MRTFB: variants seen among roughly 807,000 people sequenced by gnomAD.
MRTFB encodes the protein myocardin-related transcription factor B.
Under a neutral mutation model 104.2 loss-of-function variants are expected in MRTFB, and 29 were observed. That is an observed-to-expected ratio of 0.28 (90% CI 0.21 to 0.38). The LOEUF is 0.38. MRTFB is among the 10% of genes least tolerant of loss of function. MRTFB has a pLI of 1.00. For missense variants in MRTFB, 1,270 were observed against 1,341.6 expected, an observed-to-expected ratio of 0.95 and a Z score of 0.83; for synonymous variants, 535 against 519.5, an observed-to-expected ratio of 1.03 and a Z score of -0.41.
the MRTFB span, among the ~76,000 whole-genome samples, chr16:14,062,932 CCACTGA>C: frequency 6.6e-6 from 1 of 152,304 alleles, no homozygotes; most frequent in East Asian, 1.9e-4. Flanking sequence ...GCCACTTCTG[CCACTGA>C]CACTTCAACA....
the MRTFB span, among the ~76,000 whole-genome samples, chr16:14,059,818 G>C: frequency 1.3e-5 from 2 of 151,996 alleles, no homozygotes; most frequent in Non-Finnish European, 2.9e-5. Flanking sequence ...GAAGACAAGA[G>C]CTAAAGCTGG....
chr16:14,045,331 A>G, the MRTFB span, among the ~76,000 whole-genome samples: 6 of 152,098 alleles, frequency 3.9e-5, no homozygotes, highest in African/African-American at 1.4e-4. Context: ...CTCGCCTCCT[A>G]GGAGTTGTGC....
intron 3 of MRTFB, chr16:14,200,625 G>A (rs1048903144): frequency 1.3e-6 from 2 of 1,581,670 alleles, no homozygotes; most frequent in Non-Finnish European, 1.7e-6. Flanking sequence ...GTTGGCCTAC[G>A]TTGGTGGAAT....
intron 3 of MRTFB, among the ~76,000 whole-genome samples, chr16:14,199,079 C>G (rs953204063): frequency 6.6e-6 from 1 of 152,298 alleles, no homozygotes; most frequent in African/African-American, 2.4e-5. Flanking sequence ...ACACTCTTGC[C>G]TCTCGTTCAC....
chr16:14,060,473 T>G, the MRTFB span, among the ~76,000 whole-genome samples: 1 of 152,182 alleles, frequency 6.6e-6, no homozygotes, highest in Non-Finnish European at 1.5e-5. Flanking sequence ...TTCGCAGGTT[T>G]CAGGTCTCTT....
intron 2 of MRTFB, among the ~76,000 whole-genome samples, chr16:14,107,863 T>A (rs2036069470): frequency 6.6e-6 from 1 of 152,202 alleles, no homozygotes; most frequent in South Asian, 2.1e-4. Context: ...GTTGTTGGGA[T>A]CTGTAGAAGA....
At chr16:14,069,016 C>T (rs1385542103), upstream of MRTFB, among the ~76,000 whole-genome samples, 2 of 129,524 alleles carry the variant, frequency 1.5e-5, no homozygotes, top group Non-Finnish European at 3.1e-5. Flanking sequence ...GATGCCCAGG[C>T]TGGAGTTCAA....
At chr16:14,010,221 A>G in the MRTFB span, among the ~76,000 whole-genome samples, 1 of 152,188 alleles carries the variant, frequency 6.6e-6, no homozygotes, top group Non-Finnish European at 1.5e-5. Flanking sequence ...TTAGCCCCCA[A>G]CAAGGTCCAG....
At chr16:14,023,604 CACACACATACATATACATAT>C in the MRTFB span, among the ~76,000 whole-genome samples, 15,881 of 130,662 alleles carry the variant, frequency 0.12, 1,147 homozygotes, top group African/African-American at 0.21. Context: ...CACACACACA[CACACACATACATATACATAT>C]ACATATACAT....
Position 14,210,178 on chromosome 16 carries a change from G to A in MRTFB, c.155-65G>A, listed in dbSNP as rs1184988190. 8.7e-6 allele frequency: 11 copies of A among 1,271,604 alleles called. No individual in the cohort carries two copies. The Admixed American group carries it at 1.9e-4, about 22-fold the overall frequency. The allele number at this position is 1,271,604 out of a possible 1,614,324, so 78.8% of individuals were successfully genotyped here. A position where few individuals can be genotyped will look rare whatever the true frequency, so the allele number is the denominator to read the frequency against. On this transcript the variant is annotated intron_variant, in intron 3 of 16. Transcript: ENST00000571589. ...ATAAAGCTTAATTGCATCTCCTCTGGAATCACATAAATCGGATCCCACAGT... is the reference window on the plus strand; with the variant it reads ...ATAAAGCTTAATTGCATCTCCTCTGAAATCACATAAATCGGATCCCACAGT...
Position 14,246,518 on chromosome 16 carries a change from T to G in MRTFB, c.1258T>G (p.Ser420Ala). ...TELKLRGLPV[S>A]GTKPDLIERL... ...ACTGAAGTTAAGGGGTCTGCCAGTG[T>G]CAGGCACCAAACCGGACCTCATTGA... Residue 420 changes from serine (S) to alanine (A), a missense_variant, in exon 12 of 17, where the codon TCA becomes GCA. Ser to Ala is a moderately conservative substitution (Grantham distance 99). Coordinates refer to ENST00000571589, the MANE Select transcript of MRTFB (RefSeq NM_001308142.2). 2 of 1,614,190 alleles carry G rather than the reference T, an allele frequency of 1.2e-6. No individual in the cohort carries two copies. The highest frequency in any genetic ancestry group is 1.7e-6 in the Non-Finnish European group (2 of 1,180,036).
chr16:14,025,658 A>G, the MRTFB span, among the ~76,000 whole-genome samples: 1 of 152,070 alleles, frequency 6.6e-6, no homozygotes, highest in East Asian at 1.9e-4. Context: ...CAGGTTTCCT[A>G]GAATAGGGAC....
intron 8 of MRTFB, among the ~76,000 whole-genome samples, chr16:14,231,080 C>G (rs1164076422): frequency 6.8e-6 from 1 of 146,394 alleles, no homozygotes; most frequent in Non-Finnish European, 1.5e-5. Flanking sequence ...GGGAATTGAA[C>G]AATGAGAACA....
Position 14,177,147 on chromosome 16 carries a change from A to T in MRTFB, c.155-33096A>T, listed in dbSNP as rs935666385. ...GCTGAAGCATAGGGAACATGTAGGG[A>T]GTTAATAACGCCGGTCAGGAAGGTG... is the stretch of plus-strand genomic sequence containing the variant. On this transcript the variant is annotated intron_variant, in intron 3 of 16. Coordinates refer to ENST00000571589, the MANE Select transcript of MRTFB (RefSeq NM_001308142.2). The surrounding 1 kb of genome is among the most constrained non-coding windows in gnomAD (Gnocchi z 4.7). Among the ~76,000 whole-genome samples, 1 of 152,244 alleles carries T rather than the reference A, an allele frequency of 6.6e-6. No homozygotes were observed. Among genetic ancestry groups the T allele is most frequent in the African/African-American group, 2.4e-5 (1 of 41,468 alleles).
chr16:14,125,555 C>T lies in MRTFB; in HGVS notation c.-63-14989C>T, dbSNP rs150211837. On this transcript the variant is annotated intron_variant, in intron 2 of 16. Transcript: ENST00000571589. Reference sequence around the variant, plus strand: ...GCAGACTCTTCTCTAGCAAGCACCTCTGTTTTTCCAGTTGGTAGTTTTTTA... The same window carrying T: ...GCAGACTCTTCTCTAGCAAGCACCTTTGTTTTTCCAGTTGGTAGTTTTTTA... Among the ~76,000 whole-genome samples the T allele has an allele frequency of 5.9e-5, 9 of 152,358 alleles. No individual in the cohort carries two copies. In the East Asian group the frequency reaches 1.5e-3, roughly 26 times the overall value.
intron 2 of MRTFB, among the ~76,000 whole-genome samples, chr16:14,080,492 T>G (rs563724200): frequency 6.6e-6 from 1 of 152,338 alleles, no homozygotes; most frequent in South Asian, 2.1e-4. Flanking sequence ...GTGAGAACAT[T>G]GAACATTTAC....
intron 2 of MRTFB, among the ~76,000 whole-genome samples, chr16:14,100,234 A>C (rs929232242): frequency 6.6e-6 from 1 of 152,144 alleles, no homozygotes; most frequent in Non-Finnish European, 1.5e-5. Flanking sequence ...TGTTAGCTAT[A>C]GGTTTATTGT....
chr16:14,248,869 G>A (rs2043134224), intron 12 of MRTFB, 57 bp from the exon 13 acceptor site: 1 of 1,585,888 alleles, frequency 6.3e-7, no homozygotes, highest in South Asian at 1.2e-5. Flanking sequence ...CCTAAGTTCT[G>A]ATTTCTAACT....
the MRTFB span, among the ~76,000 whole-genome samples, chr16:14,010,054 TC>T: frequency 7.2e-5 from 11 of 152,224 alleles, no homozygotes; most frequent in African/African-American, 2.6e-4. Flanking sequence ...CAAAGAAGAA[TC>T]CCTTCACTCT....
Sources: allele counts gnomAD v4.1 joint callset (sites outside exome capture counted in the v4.1 genomes callset), GRCh38; gene constraint gnomAD v4.1.1; non-coding constraint Gnocchi (gnomAD v3.1); transcripts MANE v1.5; gene names NCBI Gene and HGNC (gene_info 2026-07-23, HGNC 2026-07-21).